Variants in TENM1 observed in about 807,000 individuals in gnomAD.
The protein encoded by TENM1 is teneurin transmembrane protein 1.
A neutral mutation model predicts 174.8 loss-of-function variants in TENM1; 35 were observed. That is an observed-to-expected ratio of 0.20 (90% CI 0.15 to 0.27). TENM1 has a LOEUF of 0.27. Ranked by LOEUF, TENM1 falls within the 10% of genes least tolerant of loss-of-function variation. The probability of loss-of-function intolerance (pLI) is 1.00; values close to 1 mark genes in which losing one functional copy is unlikely to be tolerated. For synonymous variants in TENM1, 781 were observed against 798.7 expected (o/e 0.98, Z 0.37); for missense variants, 1,633 against 2,130.1 (o/e 0.77, Z 4.59).
intron 6 of TENM1, among the ~76,000 whole-genome samples, chrX:124,661,843 C>G (rs931004502): frequency 1.8e-5 from 2 of 111,411 alleles, no homozygotes; most frequent in African/African-American, 6.5e-5. Context: ...TGATTTCTAC[C>G]TTTTAGGCAT....
Position 124,807,916 on chromosome X carries a change from C to CACAA in TENM1, c.536-70720_536-70719insTTGT, listed in dbSNP as rs746369843. Among the ~76,000 whole-genome samples, 570 of 106,898 alleles carry CACAA rather than the reference C, an allele frequency of 5.3e-3. 3 individuals are homozygous for CACAA. Among genetic ancestry groups the CACAA allele is most frequent in the African/African-American group, 0.017 (488 of 28,853 alleles). The allele number at this position is 106,898 out of a possible 115,157, so 92.8% of individuals were successfully genotyped here. ...ACACACACACACACACACACACACA[C>CACAA]ACAGAGGAAGGAAGGTACCAAAGAA... On this transcript the variant is annotated intron_variant, in intron 3 of 31. Coordinates refer to ENST00000422452, the Ensembl canonical transcript of TENM1.
intron 16 of TENM1, 25 bp downstream of exon 19, chrX:124,529,839 A>G (rs1469031202): frequency 8.3e-7 from 1 of 1,209,051 alleles, no homozygotes; most frequent in African/African-American, 1.8e-5. Context: ...GGCCCCCACA[A>G]TGATCAGAAA....
At chrX:124,622,714 C>T (rs1240362178) in intron 11 of TENM1, among the ~76,000 whole-genome samples, 12 of 110,645 alleles carry the variant, frequency 1.1e-4, no homozygotes, top group Admixed American at 1.1e-3. Context: ...TTTGAGATGT[C>T]TTGAGCTCCA....
the TENM1 span, among the ~76,000 whole-genome samples, chrX:125,040,153 T>G: frequency 9.0e-6 from 1 of 111,629 alleles, no homozygotes; most frequent in African/African-American, 3.2e-5. Flanking sequence ...GATCAACTAT[T>G]AAATTATTTA....
the TENM1 span, among the ~76,000 whole-genome samples, chrX:125,024,707 T>C: frequency 9.0e-6 from 1 of 111,581 alleles, no homozygotes; most frequent in Non-Finnish European, 1.9e-5. Flanking sequence ...CATTAAACAA[T>C]ATTATCCATG....
chrX:124,771,826 C>T (rs2054660235), intron 3 of TENM1, among the ~76,000 whole-genome samples: 1 of 111,735 alleles, frequency 8.9e-6, no homozygotes, highest in African/African-American at 3.3e-5. Context: ...ACTACTTTCC[C>T]TCAGCATATA....
At chrX:125,019,063 T>C in the TENM1 span, among the ~76,000 whole-genome samples, 1 of 111,707 alleles carries the variant, frequency 9.0e-6, no homozygotes, top group Non-Finnish European at 1.9e-5. Flanking sequence ...GCCAAATGTG[T>C]TTTGCACATA....
At chrX:125,010,714 T>G in the TENM1 span, among the ~76,000 whole-genome samples, 2 of 106,429 alleles carry the variant, frequency 1.9e-5, no homozygotes, top group Non-Finnish European at 3.8e-5. Context: ...CTCAGGAGGC[T>G]GAGGCAGGAG....
chrX:125,055,447 C>A, the TENM1 span, among the ~76,000 whole-genome samples: 1 of 111,501 alleles, frequency 9.0e-6, no homozygotes, highest in African/African-American at 3.3e-5. Context: ...TCAAATCTCT[C>A]CCTACTTCAA....
At chrX:125,115,399 C>T in the TENM1 span, among the ~76,000 whole-genome samples, 6 of 111,054 alleles carry the variant, frequency 5.4e-5, no homozygotes, top group Non-Finnish European at 1.1e-4. Context: ...GGCAATCAGG[C>T]AAGAGAAAGA....
chrX:124,499,988 C>A (rs920189455), intron 19 of TENM1, among the ~76,000 whole-genome samples: 2 of 111,281 alleles, frequency 1.8e-5, no homozygotes, highest in Non-Finnish European at 3.8e-5. Context: ...TTAACAATTA[C>A]CCTCAAAATG....
chrX:124,558,846 G>T (rs563798029), intron 14 of TENM1, among the ~76,000 whole-genome samples: 36 of 110,801 alleles, frequency 3.2e-4, no homozygotes, highest in African/African-American at 1.1e-3. Context: ...CTAAAGAGAC[G>T]ATCATAAAAA....
chrX:124,885,870 A>T (rs996174165), intron 3 of TENM1, among the ~76,000 whole-genome samples: 6 of 111,546 alleles, frequency 5.4e-5, no homozygotes, highest in African/African-American at 2.0e-4. Context: ...ATGAAAACAA[A>T]TTCAACTGCA....
intron 4 of TENM1, among the ~76,000 whole-genome samples, chrX:124,711,527 C>T (rs1217790576): frequency 9.0e-6 from 1 of 111,567 alleles, no homozygotes; most frequent in Non-Finnish European, 1.9e-5. Flanking sequence ...TAGCTATAAG[C>T]ATCTGACTCA....
At chrX:125,063,866 T>C in the TENM1 span, among the ~76,000 whole-genome samples, 1 of 111,621 alleles carries the variant, frequency 9.0e-6, no homozygotes, top group African/African-American at 3.3e-5. Flanking sequence ...CACATGTATG[T>C]TTACTGTGGC....
At chrX:124,955,401 A>G in intron 1 of TENM1, among the ~76,000 whole-genome samples, 1 of 58,725 alleles carries the variant, frequency 1.7e-5, no homozygotes, top group East Asian at 5.7e-4. Flanking sequence ...ATGACCTTCT[A>G]AACTGGCTGT....
At chrX:124,788,807 T>C (rs1015466271) in intron 3 of TENM1, among the ~76,000 whole-genome samples, 19 of 112,262 alleles carry the variant, frequency 1.7e-4, no homozygotes, top group Non-Finnish European at 3.2e-4. Context: ...TTGTGTTGCA[T>C]GTCTGTGGCT....
chrX:124,839,911 T>C (rs1287986352), intron 3 of TENM1, among the ~76,000 whole-genome samples: 1 of 111,505 alleles, frequency 9.0e-6, no homozygotes, highest in Non-Finnish European at 1.9e-5. Context: ...AAATCCTTGA[T>C]GGCTTCACAG....
chrX:124,475,136 C>A (rs905537298), intron 22 of TENM1, among the ~76,000 whole-genome samples: 2 of 110,367 alleles, frequency 1.8e-5, no homozygotes, highest in Non-Finnish European at 3.8e-5. Context: ...CCACTTACAC[C>A]CTCATTTTAA....
Sources: allele counts gnomAD v4.1 joint callset (sites outside exome capture counted in the v4.1 genomes callset), GRCh38; gene constraint gnomAD v4.1.1; transcripts MANE v1.5; gene names NCBI Gene and HGNC (gene_info 2026-07-23, HGNC 2026-07-21).